The following CWF19L2 variants were observed in gnomAD, a reference collection of about 807,000 sequenced individuals.
CWF19L2 encodes the protein CWF19 like cell cycle control factor 2.
CWF19L2 carries 98 observed loss-of-function variants against 111.7 expected under a neutral mutation model. The ratio of observed to expected loss-of-function variants is 0.88; its 90% CI spans 0.75 to 1.04. The LOEUF is 1.04. Among genes scored for constraint, CWF19L2 ranks in the 50% least tolerant of loss-of-function variants. The pLI is 0.00. For missense variants in CWF19L2, 1,101 were observed against 1,051.4 expected (o/e 1.05, Z -0.65); for synonymous variants, 351 against 342.9 (o/e 1.02, Z -0.26).
At chr11:107,409,650 T>A (rs1861129299) in intron 10 of CWF19L2, among the ~76,000 whole-genome samples, 1 of 152,108 alleles carries the variant, frequency 6.6e-6, no homozygotes, top group South Asian at 2.1e-4. Flanking sequence ...AGAATTAGGA[T>A]TGGATTTTTC....
At position 107,428,818 on chromosome 11, in the gene CWF19L2, T is replaced by G. The variant is rs1861417123; in HGVS notation, c.1414A>C (p.Thr472Pro). The G allele has an allele frequency of 6.2e-7, 1 of 1,608,450 alleles. No individual in the cohort carries two copies. Among genetic ancestry groups the G allele is most frequent in the Admixed American group, 1.7e-5 (1 of 58,752 alleles). The change falls in exon 8 of 18, where the codon ACA becomes CCA. Residue 472 changes from threonine (T) to proline (P), a missense_variant. Thr to Pro is a conservative substitution (Grantham distance 38, BLOSUM62 -1). Transcript: ENST00000282251. ...AAATACCCAGCAAATGTAGACTTTG[T>G]ATCCCGTAGATGTTCTTTTTTTGGA... ...DPPKKEHLRD[T>P]KSTFAGSPER...
chr11:107,440,922 C>T (rs1861611622), intron 5 of CWF19L2, among the ~76,000 whole-genome samples: 1 of 152,134 alleles, frequency 6.6e-6, no homozygotes, highest in Non-Finnish European at 1.5e-5. Context: ...ATTACAGATA[C>T]TGAGTACTGG....
intron 6 of CWF19L2, 137 bp from the exon 7 acceptor site, chr11:107,433,886 A>ATATATATC (rs1475948848): frequency 2.6e-5 from 1 of 37,778 alleles, no homozygotes; most frequent in Admixed American, 2.6e-4. Context: ...AATTTTATAT[A>ATATATATC]TATATATATA....
At chr11:107,336,017 C>T (rs555164408) in intron 15 of CWF19L2, among the ~76,000 whole-genome samples, 147 of 152,142 alleles carry the variant, frequency 9.7e-4, no homozygotes, top group Non-Finnish European at 4.0e-4. Context: ...GTCAAGAGAT[C>T]GAGACCATCC....
At chr11:107,403,967 A>T in intron 10 of CWF19L2, 1 of 882,694 alleles carries the variant, frequency 1.1e-6, no homozygotes, top group East Asian at 2.4e-5. Flanking sequence ...AGCTGTTGCG[A>T]CAACTGACCG....
rs1351780258 is a variant in CWF19L2, at chr11:107,399,752, C to G, written c.1618-6857G>C. On this transcript the variant is annotated intron_variant, in intron 10 of 17. Coordinates refer to ENST00000282251, the MANE Select transcript of CWF19L2 (RefSeq NM_152434.3). ...ATATACAGGACATTTCATCCAGCAA[C>G]TGCAGCATACACATTCTATTCAACA... Among the ~76,000 whole-genome samples, 12 of 152,302 alleles carry G rather than the reference C, an allele frequency of 7.9e-5. No individual in the cohort carries two copies. In the East Asian group the frequency reaches 1.4e-3, roughly 17 times the overall value.
chr11:107,381,264 A>C (rs1860682573), intron 12 of CWF19L2, among the ~76,000 whole-genome samples: 1 of 152,120 alleles, frequency 6.6e-6, no homozygotes, highest in Admixed American at 6.5e-5. Flanking sequence ...GCCATAAAAA[A>C]CCCAACTAGG....
intron 3 of CWF19L2, among the ~76,000 whole-genome samples, chr11:107,443,912 A>C (rs1861666534): frequency 5.3e-5 from 8 of 152,100 alleles, no homozygotes; most frequent in Admixed American, 5.2e-4. Flanking sequence ...ACCGCCCAAA[A>C]CATTTATGGC....
chr11:107,432,199 T>C (rs1437325323), intron 7 of CWF19L2, among the ~76,000 whole-genome samples: 11 of 152,196 alleles, frequency 7.2e-5, no homozygotes, highest in Non-Finnish European at 1.6e-4. Flanking sequence ...TAAAAAGTCT[T>C]AAATTATTAT....
intron 16 of CWF19L2, among the ~76,000 whole-genome samples, chr11:107,331,067 C>T (rs1038629713): frequency 1.1e-4 from 16 of 152,178 alleles, no homozygotes; most frequent in African/African-American, 3.6e-4. Context: ...AATCTGTTCA[C>T]GAAATAGTAT....
chr11:107,378,577 T>C (rs938853012), intron 12 of CWF19L2, among the ~76,000 whole-genome samples: 8 of 151,880 alleles, frequency 5.3e-5, no homozygotes, highest in African/African-American at 1.9e-4. Context: ...TGAGAACACA[T>C]GGATACAGGA....
Position 107,418,297 on chromosome 11 carries a change from TA to T in CWF19L2, c.1434-11del. 6.4e-7 allele frequency: 1 copy of T among 1,564,262 alleles called. No individual in the cohort carries two copies. Among genetic ancestry groups the T allele is most frequent in the Non-Finnish European group, 8.8e-7 (1 of 1,134,626 alleles). ...CTCACGCTCTGGACTGCTATTGGAATAGGAAAGATTAACAGCATATGAAATA... is the reference window on the plus strand; with the variant it reads ...CTCACGCTCTGGACTGCTATTGGAATGGAAAGATTAACAGCATATGAAATA... On this transcript the variant is annotated splice_polypyrimidine_tract_variant and intron_variant, in intron 8 of 17. Transcript: ENST00000282251.
At chr11:107,380,002 G>T (rs1009804912) in intron 12 of CWF19L2, among the ~76,000 whole-genome samples, 2 of 119,636 alleles carry the variant, frequency 1.7e-5, no homozygotes, top group African/African-American at 6.6e-5. Flanking sequence ...AGCTGAGATC[G>T]TACCACTGCC....
At chr11:107,436,157 C>T (rs1023016072) in intron 6 of CWF19L2, among the ~76,000 whole-genome samples, 41 of 145,080 alleles carry the variant, frequency 2.8e-4, no homozygotes, top group South Asian at 4.3e-4. Context: ...CACACGCCCC[C>T]CGACCCAAAA....
At position 107,327,059 on chromosome 11, in the gene CWF19L2, A is replaced by T. The variant is rs1859772683; in HGVS notation, c.2542-6T>A. 1.0e-5 allele frequency: 16 copies of T among 1,580,508 alleles called. No individual in the cohort carries two copies. The highest frequency in any genetic ancestry group is 1.4e-5 in the Non-Finnish European group (16 of 1,168,562). ...AGCATCCCACCTATGATTTCCTTTT[A>T]AAGAAAGAGAAAAGCACAAACACAA... On this transcript the variant is annotated splice_polypyrimidine_tract_variant and splice_region_variant and intron_variant, in intron 17 of 17. Coordinates refer to ENST00000282251, the MANE Select transcript of CWF19L2 (RefSeq NM_152434.3).
intron 12 of CWF19L2, among the ~76,000 whole-genome samples, chr11:107,362,980 G>A (rs1026597669): frequency 8.5e-5 from 13 of 152,106 alleles, no homozygotes; most frequent in Admixed American, 2.6e-4. Context: ...GTGCTTAAAG[G>A]AGCTGATGGA....
chr11:107,380,941 G>T (rs895969292), intron 12 of CWF19L2, among the ~76,000 whole-genome samples: 68 of 152,298 alleles, frequency 4.5e-4, no homozygotes, highest in African/African-American at 1.6e-3. Flanking sequence ...AAAACATTAT[G>T]TTAAGCGAAA....
At chr11:107,327,107 G>A (rs1210970993) in intron 17 of CWF19L2, 54 bp from the exon 18 acceptor site, 7 of 1,439,004 alleles carry the variant, frequency 4.9e-6, no homozygotes, top group Non-Finnish European at 6.5e-6. Context: ...AATGAAAACA[G>A]AAATGAAACT....
At chr11:107,342,198 C>G (rs901966149) in intron 14 of CWF19L2, among the ~76,000 whole-genome samples, 1 of 151,890 alleles carries the variant, frequency 6.6e-6, no homozygotes, top group Non-Finnish European at 1.5e-5. Context: ...TCTCGGCACT[C>G]CCTTAGCTGT....
Sources: gnomAD v4.1 joint callset for allele counts (sites outside exome capture counted in the v4.1 genomes callset) on GRCh38, gnomAD v4.1.1 for gene constraint, MANE v1.5 for transcripts, NCBI Gene and HGNC (gene_info 2026-07-23, HGNC 2026-07-21) for gene names.